The following TTC6 variants were observed in gnomAD, a reference collection of about 807,000 sequenced individuals.
The protein encoded by TTC6 is tetratricopeptide repeat domain 6, also known as tetratricopeptide repeat protein 6.
Under a neutral mutation model 210.4 loss-of-function variants are expected in TTC6, and 172 were observed. The observed-to-expected ratio is 0.82, with a 90% CI of 0.72 to 0.93. The LOEUF (loss-of-function observed/expected upper bound fraction) is 0.93, where lower values mean the gene tolerates loss of function less well. Ranked by LOEUF, TTC6 falls within the 40% of genes least tolerant of loss-of-function variation. The pLI is 0.00. For missense variants in TTC6, 2,414 were observed against 2,318.1 expected (o/e 1.04, Z -0.85); for synonymous variants, 804 against 819.6 (o/e 0.98, Z 0.32).
chr14:37,603,269 A>C (rs1011334236), intron 1 of TTC6, among the ~76,000 whole-genome samples: 1 of 152,174 alleles, frequency 6.6e-6, no homozygotes, highest in African/African-American at 2.4e-5. Flanking sequence ...TCTTTTCCCA[A>C]GTGAGGAGCC....
intron 29 of TTC6, 37 bp downstream of exon 31, chr14:37,827,403 T>G (rs891262688): frequency 6.3e-7 from 1 of 1,596,430 alleles, no homozygotes; most frequent in Non-Finnish European, 8.6e-7. Flanking sequence ...CTTTTTGACC[T>G]GGAATGCTTT....
At chr14:37,721,899 T>C (rs1360848996) in intron 6 of TTC6, among the ~76,000 whole-genome samples, 1 of 144,554 alleles carries the variant, frequency 6.9e-6, no homozygotes, top group East Asian at 2.0e-4. Flanking sequence ...CACACACATA[T>C]ATACACATGT....
At chr14:37,660,983 C>CT (rs991732866) in intron 1 of TTC6, among the ~76,000 whole-genome samples, 72 of 152,160 alleles carry the variant, frequency 4.7e-4, no homozygotes, top group African/African-American at 1.7e-3. Flanking sequence ...TGAATGTCTT[C>CT]TTTTAAGAAA....
At chr14:37,726,341 A>T (rs983673602) in intron 7 of TTC6, among the ~76,000 whole-genome samples, 1 of 152,178 alleles carries the variant, frequency 6.6e-6, no homozygotes, top group Non-Finnish European at 1.5e-5. Context: ...AAATGGGGTC[A>T]TCAATTTATC....
rs535296606 is a variant in TTC6, at chr14:37,664,079, A to G, written c.940-16072A>G. Among the ~76,000 whole-genome samples, 8 of 150,838 alleles carry G rather than the reference A, an allele frequency of 5.3e-5. 1 individual carries two copies. Among genetic ancestry groups the G allele is most frequent in the Admixed American group, 5.3e-4 (8 of 15,170 alleles). On this transcript the variant is annotated intron_variant, in intron 1 of 30. Coordinates refer to ENST00000553443, the Ensembl canonical transcript of TTC6. The stretch of plus-strand genomic sequence containing the variant: ...TATTGTGAAAATGGCCATACTGCCC[A>G]AAGTAATTTATAGATTTAATGCTAT...
chr14:37,634,744 A>G (rs1319366254), intron 1 of TTC6, among the ~76,000 whole-genome samples: 2 of 152,218 alleles, frequency 1.3e-5, no homozygotes, highest in African/African-American at 4.8e-5. Flanking sequence ...GAGAAACAAT[A>G]TGTTAACCAA....
chr14:37,700,954 G>C (rs968090480), intron 4 of TTC6, among the ~76,000 whole-genome samples: 2 of 151,982 alleles, frequency 1.3e-5, no homozygotes, highest in African/African-American at 2.4e-5. Flanking sequence ...CATTTGACCA[G>C]AGTAGCAAAG....
intron 1 of TTC6, among the ~76,000 whole-genome samples, chr14:37,654,943 C>G (rs899230556): frequency 6.6e-6 from 1 of 152,190 alleles, no homozygotes; most frequent in Non-Finnish European, 1.5e-5. Context: ...GAAGATTATA[C>G]TTTCCTGTTT....
intron 14 of TTC6, among the ~76,000 whole-genome samples, chr14:37,767,138 T>C (rs2096001979): frequency 6.6e-6 from 1 of 152,242 alleles, no homozygotes; most frequent in Non-Finnish European, 1.5e-5. Context: ...CTCATCATTT[T>C]TTATGGCTGC....
At chr14:37,834,349 T>A (rs866562695) in intron 29 of TTC6, among the ~76,000 whole-genome samples, 45 of 152,294 alleles carry the variant, frequency 3.0e-4, no homozygotes, top group Middle Eastern at 6.8e-3. Context: ...CTATATATGA[T>A]GTAAGCTTTC....
intron 2 of TTC6, among the ~76,000 whole-genome samples, chr14:37,607,925 C>T (rs1405244487): frequency 6.6e-6 from 1 of 152,158 alleles, no homozygotes; most frequent in Non-Finnish European, 1.5e-5. Context: ...ATCCTGTTTC[C>T]TCACTCCCAT....
rs1204140524 is a variant in TTC6 at position 37,730,279 on chromosome 14, T to C, written c.1818+5277T>C. Among the ~76,000 whole-genome samples the C allele has an allele frequency of 3.3e-5, 5 of 152,372 alleles. No individual in the cohort carries two copies. In the East Asian group the frequency reaches 7.7e-4, roughly 23 times the overall value. Reference sequence around the variant, plus strand: ...TTCTCTTAAACTTATATTTTTCAGTTTTCCTTTTTAAAAAATAAAATTCAG... The same window carrying C: ...TTCTCTTAAACTTATATTTTTCAGTCTTCCTTTTTAAAAAATAAAATTCAG... On this transcript the variant is annotated intron_variant, in intron 7 of 30. Coordinates refer to ENST00000553443, the Ensembl canonical transcript of TTC6.
intron 1 of TTC6, among the ~76,000 whole-genome samples, chr14:37,647,878 A>G (rs536253658): frequency 6.6e-6 from 1 of 152,304 alleles, no homozygotes; most frequent in East Asian, 1.9e-4. Context: ...GAGAAAAACC[A>G]GGAGAATGTG....
intron 6 of TTC6, among the ~76,000 whole-genome samples, chr14:37,716,852 A>G (rs901622965): frequency 6.6e-6 from 1 of 152,130 alleles, no homozygotes; most frequent in African/African-American, 2.4e-5. Context: ...CAAAAGCAGA[A>G]TGCATATTGT....
chr14:37,602,090 G>C (rs2095616651), intron 1 of TTC6, among the ~76,000 whole-genome samples: 1 of 152,228 alleles, frequency 6.6e-6, no homozygotes, highest in South Asian at 2.1e-4. Flanking sequence ...CGCGCTGAGT[G>C]TCCGTTGGGG....
chr14:37,767,897 A>T (rs1242528824), intron 14 of TTC6, among the ~76,000 whole-genome samples: 3 of 144,766 alleles, frequency 2.1e-5, no homozygotes, highest in African/African-American at 5.0e-5. Flanking sequence ...CTGAATGGTA[A>T]TGCCTAGGTT....
chr14:37,749,540 A>G (rs999047670), intron 11 of TTC6, 139 bp downstream of exon 13: 11 of 1,106,914 alleles, frequency 9.9e-6, no homozygotes, highest in African/African-American at 1.6e-5. Context: ...AATTATTTGC[A>G]TTTTCAAGTA....
At chr14:37,838,145 AG>A (rs2096202184) in intron 29 of TTC6, among the ~76,000 whole-genome samples, 1 of 152,206 alleles carries the variant, frequency 6.6e-6, no homozygotes, top group Non-Finnish European at 1.5e-5. Flanking sequence ...TAGGTTTTAA[AG>A]TAGGAGCCAG....
At chr14:37,624,602 A>C (rs1473491156) in intron 1 of TTC6, among the ~76,000 whole-genome samples, 2 of 152,078 alleles carry the variant, frequency 1.3e-5, no homozygotes, top group Non-Finnish European at 2.9e-5. Flanking sequence ...CAGCTCTTTT[A>C]CCAGAAGTGT....
Sources: gnomAD v4.1 joint callset for allele counts (sites outside exome capture counted in the v4.1 genomes callset) on GRCh38, gnomAD v4.1.1 for gene constraint, MANE v1.5 for transcripts, NCBI Gene and HGNC (gene_info 2026-07-23, HGNC 2026-07-21) for gene names.